DLG2: variants seen among roughly 807,000 people sequenced by gnomAD.
DLG2 encodes disks large homolog 2.
DLG2 carries 45 observed loss-of-function variants against 132.5 expected under a neutral mutation model. That is an observed-to-expected ratio of 0.34 (90% CI 0.27 to 0.44). DLG2 has a LOEUF of 0.44. DLG2 is among the 20% of genes least tolerant of loss of function. The probability of loss-of-function intolerance (pLI) is 1.00; values close to 1 mark genes in which losing one functional copy is unlikely to be tolerated. For missense variants in DLG2, 1,045 were observed against 1,196.9 expected, an observed-to-expected ratio of 0.87 and a Z score of 1.87; for synonymous variants, 424 against 419.6, an observed-to-expected ratio of 1.01 and a Z score of -0.13.
At chr11:85,464,355 C>T (rs944063472) in intron 3 of DLG2, among the ~76,000 whole-genome samples, 7 of 152,034 alleles carry the variant, frequency 4.6e-5, no homozygotes, top group Non-Finnish European at 1.0e-4. Flanking sequence ...AGATCAGTTT[C>T]CCTGAAGGCT....
At chr11:83,633,407 C>A in intron 18 of DLG2, 82 bp from the exon 19 acceptor site, 2 of 1,141,694 alleles carry the variant, frequency 1.8e-6, no homozygotes, top group South Asian at 1.3e-5. Flanking sequence ...CAGCCCCTCA[C>A]CCACGTTGTT....
chr11:83,651,076 C>A (rs967254229), intron 18 of DLG2, among the ~76,000 whole-genome samples: 4 of 151,964 alleles, frequency 2.6e-5, no homozygotes, highest in African/African-American at 9.7e-5. Flanking sequence ...GTTTATTATA[C>A]CTGTTTCCCC....
At chr11:84,903,116 G>A (rs1452136384) in intron 6 of DLG2, among the ~76,000 whole-genome samples, 1 of 152,046 alleles carries the variant, frequency 6.6e-6, no homozygotes, top group East Asian at 1.9e-4. Flanking sequence ...CACAAATCTG[G>A]TCAGAACACT....
At chr11:85,581,695 T>C (rs2078536486) in intron 3 of DLG2, among the ~76,000 whole-genome samples, 2 of 152,272 alleles carry the variant, frequency 1.3e-5, no homozygotes, top group African/African-American at 4.8e-5. Flanking sequence ...ATGACTGATA[T>C]TCTAACCAGG....
At chr11:83,942,256 A>G (rs1466235437) in intron 14 of DLG2, among the ~76,000 whole-genome samples, 1 of 152,238 alleles carries the variant, frequency 6.6e-6, no homozygotes, top group African/African-American at 2.4e-5. Flanking sequence ...GTTTTAATGT[A>G]GGCATTAAAA....
At chr11:83,564,357 C>A (rs1044687039) in intron 19 of DLG2, among the ~76,000 whole-genome samples, 49 of 152,180 alleles carry the variant, frequency 3.2e-4, no homozygotes, top group Admixed American at 3.1e-3. Flanking sequence ...GGTCAGGAGC[C>A]CTAGATCTCA....
At chr11:85,597,360 T>C (rs2079841914) in intron 3 of DLG2, among the ~76,000 whole-genome samples, 1 of 152,042 alleles carries the variant, frequency 6.6e-6, no homozygotes, top group African/African-American at 2.4e-5. Context: ...TTATCAACTA[T>C]TAATAAATAT....
intron 12 of DLG2, among the ~76,000 whole-genome samples, chr11:83,970,359 A>G (rs1043403462): frequency 4.6e-5 from 7 of 152,228 alleles, no homozygotes; most frequent in African/African-American, 1.7e-4. Flanking sequence ...TAGACCATAA[A>G]GCAGAAGTTG....
At chr11:84,676,874 G>T (rs1409688880) in intron 6 of DLG2, among the ~76,000 whole-genome samples, 1 of 151,972 alleles carries the variant, frequency 6.6e-6, no homozygotes, top group Non-Finnish European at 1.5e-5. Context: ...AATTAGGATG[G>T]GGGAAAAGCA....
In DLG2 at chr11:84,198,928, G is replaced by C. The variant is rs2096557778; in HGVS notation, c.574-35417C>G. ...GGTGCAGGTGCAGGGAACAGAAAAG[G>C]AGATCTGCCAATGATCAAGAAACTT... is the stretch of plus-strand genomic sequence containing the variant. On this transcript the variant is annotated intron_variant, in intron 8 of 27. Transcript: ENST00000376104. Among the ~76,000 whole-genome samples the C allele has an allele frequency of 1.3e-5, 2 of 152,204 alleles. 1 individual carries two copies. The highest frequency in any genetic ancestry group is 3.9e-4 in the East Asian group (2 of 5,178).
In DLG2 at chr11:85,599,612, T is replaced by A. The variant is rs189926219; in HGVS notation, c.-92-824A>T. Reference sequence around the variant, plus strand: ...TTATGATTAGACAATATATGCACAATCCCTAGCACAATATCCAGCACACAG... The same window carrying A: ...TTATGATTAGACAATATATGCACAAACCCTAGCACAATATCCAGCACACAG... On this transcript the variant is annotated intron_variant, in intron 2 of 27. Transcript: ENST00000376104. Among the ~76,000 whole-genome samples, 477 of 152,246 alleles carry A rather than the reference T, an allele frequency of 3.1e-3. 2 individuals carry two copies. Among genetic ancestry groups the A allele is most frequent in the Non-Finnish European group, 5.1e-3 (344 of 68,012 alleles).
intron 15 of DLG2, among the ~76,000 whole-genome samples, chr11:83,887,948 C>T (rs61900054): frequency 0.029 from 3,814 of 129,650 alleles, 65 homozygotes; most frequent in Middle Eastern, 0.11. Context: ...TAGGACGTAT[C>T]TCAAAATAAT....
At chr11:84,526,018 C>T (rs1167698611) in intron 7 of DLG2, among the ~76,000 whole-genome samples, 1 of 152,122 alleles carries the variant, frequency 6.6e-6, no homozygotes, top group Non-Finnish European at 1.5e-5. Context: ...AAAAATTAAA[C>T]AGTTTTTCTA....
chr11:83,698,780 C>T (rs1038022976), intron 18 of DLG2, among the ~76,000 whole-genome samples: 1 of 152,192 alleles, frequency 6.6e-6, no homozygotes, highest in Non-Finnish European at 1.5e-5. Context: ...ATCTCTTCCA[C>T]ATCCTATGTT....
rs940375088 is a variant in DLG2, at chr11:84,053,632, T to C, written c.919+5683A>G. 2.0e-5 allele frequency among the ~76,000 whole-genome samples: 3 copies of C among 151,914 alleles called. No individual in the cohort carries two copies. The South Asian group carries it at 6.2e-4, about 31-fold the overall frequency. On this transcript the variant is annotated intron_variant, in intron 11 of 27. Transcript: ENST00000376104. Reference sequence around the variant, plus strand: ...TTACAATTCTTATCCTGAAAATAACTCTATGAATTACATATTTAGATATAG... The same window carrying C: ...TTACAATTCTTATCCTGAAAATAACCCTATGAATTACATATTTAGATATAG...
intron 6 of DLG2, among the ~76,000 whole-genome samples, chr11:85,067,092 C>A (rs1273349333): frequency 6.6e-6 from 1 of 151,768 alleles, no homozygotes; most frequent in African/African-American, 2.4e-5. Flanking sequence ...GACCTGCACT[C>A]CAGGAATTCA....
At chr11:83,997,986 T>A (rs1467025913) in intron 11 of DLG2, among the ~76,000 whole-genome samples, 1 of 151,032 alleles carries the variant, frequency 6.6e-6, no homozygotes, top group African/African-American at 2.4e-5. Flanking sequence ...ACAAAAAAAA[T>A]TAGCTGGGCA....
chr11:85,305,892 T>G (rs1195882368), intron 3 of DLG2, among the ~76,000 whole-genome samples: 1 of 152,202 alleles, frequency 6.6e-6, no homozygotes, highest in African/African-American at 2.4e-5. Context: ...ACTTAGTATA[T>G]ATCTAACTCC....
chr11:84,840,805 C>T (rs1213050558), intron 6 of DLG2, among the ~76,000 whole-genome samples: 2 of 151,948 alleles, frequency 1.3e-5, no homozygotes, highest in East Asian at 1.9e-4. Context: ...AACACTTGGA[C>T]ACAGGTCGGG....
Sources: gnomAD v4.1 joint callset for allele counts (sites outside exome capture counted in the v4.1 genomes callset) on GRCh38, gnomAD v4.1.1 for gene constraint, MANE v1.5 for transcripts, NCBI Gene and HGNC (gene_info 2026-07-23, HGNC 2026-07-21) for gene names.